Variants in CSMD1 observed in about 807,000 individuals in gnomAD.
The protein encoded by CSMD1 is CUB and sushi domain-containing protein 1.
CSMD1 carries 213 observed loss-of-function variants against 417.5 expected under a neutral mutation model. The ratio of observed to expected loss-of-function variants is 0.51; its 90% CI spans 0.46 to 0.57. The LOEUF (loss-of-function observed/expected upper bound fraction) is 0.57, where lower values mean the gene tolerates loss of function less well. Among genes scored for constraint, CSMD1 ranks in the 20% least tolerant of loss-of-function variants. CSMD1 has a pLI of 0.00. For synonymous variants in CSMD1, 2,862 were observed against 1,736.8 expected (o/e 1.65, Z -16.11); for missense variants, 6,923 against 4,529.7 (o/e 1.53, Z -15.17).
intron 3 of CSMD1, among the ~76,000 whole-genome samples, chr8:4,234,029 A>T (rs373608097): frequency 6.6e-6 from 1 of 152,108 alleles, no homozygotes; most frequent in Non-Finnish European, 1.5e-5. Flanking sequence ...TCTGGTTAAG[A>T]GTCTACCATC....
At chr8:4,693,110 C>T (rs895222453) in intron 1 of CSMD1, among the ~76,000 whole-genome samples, 2 of 152,184 alleles carry the variant, frequency 1.3e-5, no homozygotes, top group African/African-American at 4.8e-5. Flanking sequence ...TTCCCAGGGC[C>T]CACTGGAATC....
chr8:3,283,197 C>G (rs1802869693), intron 26 of CSMD1, among the ~76,000 whole-genome samples: 1 of 152,070 alleles, frequency 6.6e-6, no homozygotes. Flanking sequence ...AAAAAAAATT[C>G]ACGGACCGTC....
At chr8:3,622,428 C>T (rs924039526) in intron 7 of CSMD1, among the ~76,000 whole-genome samples, 1 of 152,160 alleles carries the variant, frequency 6.6e-6, no homozygotes, top group African/African-American at 2.4e-5. Flanking sequence ...CTTACAAAGG[C>T]CCACTTGCAT....
chr8:4,914,115 G>C (rs567643498), intron 1 of CSMD1, among the ~76,000 whole-genome samples: 1 of 152,192 alleles, frequency 6.6e-6, no homozygotes, highest in South Asian at 2.1e-4. Flanking sequence ...ATTGATTTGT[G>C]TTGAGCTCCC....
At chr8:3,644,634 A>G (rs1797482556) in intron 7 of CSMD1, among the ~76,000 whole-genome samples, 1 of 152,166 alleles carries the variant, frequency 6.6e-6, no homozygotes, top group African/African-American at 2.4e-5. Flanking sequence ...CCAGACCCCT[A>G]TTACCTTCAG....
chr8:3,387,262 T>C (rs985989386), intron 18 of CSMD1, among the ~76,000 whole-genome samples: 1 of 152,210 alleles, frequency 6.6e-6, no homozygotes, highest in African/African-American at 2.4e-5. Context: ...TCCCTAAGTT[T>C]GTTCATTCGG....
intron 10 of CSMD1, among the ~76,000 whole-genome samples, chr8:3,511,313 G>A (rs2117395755): frequency 6.6e-6 from 1 of 151,644 alleles, no homozygotes; most frequent in South Asian, 2.1e-4. Flanking sequence ...AAACCACAAT[G>A]GCATGTGTAT....
Position 4,280,813 on chromosome 8 carries a change from A to G in CSMD1, c.415+139140T>C, listed in dbSNP as rs540434972. Among the ~76,000 whole-genome samples the G allele has an allele frequency of 1.7e-3, 256 of 152,316 alleles. 1 individual carries two copies. Among genetic ancestry groups the G allele is most frequent in the Middle Eastern group, 3.4e-3 (1 of 294 alleles). On this transcript the variant is annotated intron_variant, in intron 3 of 69. Coordinates refer to ENST00000635120, the MANE Select transcript of CSMD1 (RefSeq NM_033225.6). ...TTGAACGTATGTTAAAATTTTCAAA[A>G]ATGTATAAATTATAAGACTTTTATC...
At chr8:4,656,173 C>G (rs1441308770) in intron 1 of CSMD1, among the ~76,000 whole-genome samples, 1 of 151,928 alleles carries the variant, frequency 6.6e-6, no homozygotes, top group East Asian at 1.9e-4. Flanking sequence ...AGGGAAAACC[C>G]CATAAGAACA....
intron 5 of CSMD1, among the ~76,000 whole-genome samples, chr8:3,996,598 G>T (rs1030388194): frequency 6.6e-6 from 1 of 152,050 alleles, no homozygotes; most frequent in African/African-American, 2.4e-5. Context: ...AGCGAGATAG[G>T]TAATAATTTA....
chr8:4,547,402 G>A (rs774870704), intron 2 of CSMD1, among the ~76,000 whole-genome samples: 1 of 152,174 alleles, frequency 6.6e-6, no homozygotes, highest in Non-Finnish European at 1.5e-5. Context: ...ATATTTGTGA[G>A]TGGATTTTAG....
At chr8:3,654,865 G>A (rs978887093) in intron 7 of CSMD1, among the ~76,000 whole-genome samples, 2 of 152,088 alleles carry the variant, frequency 1.3e-5, no homozygotes, top group African/African-American at 4.8e-5. Context: ...ACCCGGACCT[G>A]CCAGCTCTGC....
intron 11 of CSMD1, among the ~76,000 whole-genome samples, chr8:3,476,641 G>C (rs920491439): frequency 2.6e-5 from 4 of 152,056 alleles, no homozygotes; most frequent in African/African-American, 9.7e-5. Context: ...AATCAGCCAG[G>C]CTTGGTGGCT....
intron 3 of CSMD1, among the ~76,000 whole-genome samples, chr8:4,201,968 C>G (rs1412196023): frequency 6.7e-6 from 1 of 148,516 alleles, no homozygotes; most frequent in Non-Finnish European, 1.5e-5. Flanking sequence ...AGACAGAAAA[C>G]AAAAATGAAT....
chr8:3,657,309 G>A (rs369649499), intron 7 of CSMD1, among the ~76,000 whole-genome samples: 1 of 152,012 alleles, frequency 6.6e-6, no homozygotes, highest in Non-Finnish European at 1.5e-5. Context: ...ATTTACAATA[G>A]CTACAAATAA....
At chr8:3,744,957 G>A (rs1034631263) in intron 6 of CSMD1, among the ~76,000 whole-genome samples, 3 of 152,156 alleles carry the variant, frequency 2.0e-5, no homozygotes, top group African/African-American at 7.2e-5. Context: ...ATGAGGACAG[G>A]GCTGAGGCCT....
chr8:3,696,450 T>C (rs1446645284), intron 7 of CSMD1, among the ~76,000 whole-genome samples: 1 of 152,208 alleles, frequency 6.6e-6, no homozygotes, highest in Non-Finnish European at 1.5e-5. Context: ...CTTCTGCACA[T>C]CTCTTCTCTG....
chr8:4,055,611 G>T (rs915276904), intron 3 of CSMD1, among the ~76,000 whole-genome samples: 2 of 151,896 alleles, frequency 1.3e-5, no homozygotes, highest in African/African-American at 2.4e-5. Context: ...GAATTTTAAT[G>T]AATATAAAAT....
At chr8:4,866,056 C>G (rs1802404987) in intron 1 of CSMD1, among the ~76,000 whole-genome samples, 1 of 151,896 alleles carries the variant, frequency 6.6e-6, no homozygotes, top group Admixed American at 6.6e-5. Context: ...TTTTTGACAC[C>G]TTAATGGTTC....
Sources: allele counts gnomAD v4.1 joint callset (sites outside exome capture counted in the v4.1 genomes callset), GRCh38; gene constraint gnomAD v4.1.1; transcripts MANE v1.5; gene names NCBI Gene and HGNC (gene_info 2026-07-23, HGNC 2026-07-21).